ME2: variants seen among roughly 807,000 people sequenced by gnomAD.
ME2 encodes the protein malic enzyme 2.
ME2 carries 60 observed loss-of-function variants against 73.7 expected under a neutral mutation model. That is an observed-to-expected ratio of 0.81 (90% CI 0.66 to 1.01). The LOEUF is 1.01. ME2 is among the 50% of genes least tolerant of loss of function. The pLI is 0.00. For missense variants in ME2, 594 were observed against 705.5 expected (o/e 0.84, Z 1.79); for synonymous variants, 199 against 236.9 (o/e 0.84, Z 1.47).
chr18:50,924,033 G>A, intron 10 of ME2, 65 bp from the exon 11 acceptor site: 3 of 984,070 alleles, frequency 3.0e-6, no homozygotes, highest in Non-Finnish European at 4.7e-6. Context: ...TCATAATGAT[G>A]TCTTTTTATT....
chr18:50,947,241 G>A lies in ME2; in HGVS notation c.*57G>A. ...CCAGGGAACCCCTTTTTTCAGACAAGAAGAGATAATGTCTTCAGTTTTATG... is the reference window on the plus strand; with the variant it reads ...CCAGGGAACCCCTTTTTTCAGACAAAAAGAGATAATGTCTTCAGTTTTATG... On this transcript the variant is annotated 3_prime_UTR_variant, in exon 16 of 16. Coordinates refer to ENST00000321341, the MANE Select transcript of ME2 (RefSeq NM_002396.5). 1 of 1,525,228 alleles carries A rather than the reference G, an allele frequency of 6.6e-7. No individual in the cohort carries two copies. Among genetic ancestry groups the A allele is most frequent in the South Asian group, 1.2e-5 (1 of 85,462 alleles). The allele number at this position is 1,525,228 out of a possible 1,614,324, so 94.5% of individuals were successfully genotyped here. A position where few individuals can be genotyped will look rare whatever the true frequency, so the allele number is the denominator to read the frequency against.
intron 12 of ME2, among the ~76,000 whole-genome samples, chr18:50,927,661 C>T (rs540044271): frequency 1.4e-5 from 2 of 145,780 alleles, no homozygotes; most frequent in Non-Finnish European, 3.0e-5. Context: ...GAGATCGCAC[C>T]ACTGCACTCC....
At chr18:50,890,139 A>G (rs1916570315) in intron 1 of ME2, among the ~76,000 whole-genome samples, 1 of 152,202 alleles carries the variant, frequency 6.6e-6, no homozygotes, top group African/African-American at 2.4e-5. Flanking sequence ...CCTAATAAAG[A>G]CAGCATGATG....
rs1016005719 is a variant in ME2 at position 50,949,894 on chromosome 18, T to G, written c.*2710T>G. 2.0e-5 allele frequency: 3 copies of G among 152,174 alleles called. No homozygotes were observed. Among genetic ancestry groups the G allele is most frequent in the Admixed American group, 6.5e-5 (1 of 15,278 alleles). The allele number at this position is 152,174 out of a possible 1,614,324, so 9.4% of individuals were successfully genotyped here. A position where few individuals can be genotyped will look rare whatever the true frequency, so the allele number is the denominator to read the frequency against. The stretch of plus-strand genomic sequence containing the variant: ...AATTGCTTAATATTTAAGCTAAGAA[T>G]ACAGGAAGGACTATGAGCATTGAGG... On this transcript the variant is annotated 3_prime_UTR_variant, in exon 16 of 16. Transcript: ENST00000321341.
At position 50,920,437 on chromosome 18, in the gene ME2, TG is replaced by T; in HGVS notation, c.735-16del. The T allele has an allele frequency of 6.7e-7, 1 of 1,494,916 alleles. No individual in the cohort carries two copies. The highest frequency in any genetic ancestry group is 9.2e-7 in the Non-Finnish European group (1 of 1,087,766). The allele number at this position is 1,494,916 out of a possible 1,614,324, so 92.6% of individuals were successfully genotyped here. On this transcript the variant is annotated intron_variant, in intron 7 of 15. Coordinates refer to ENST00000321341, the MANE Select transcript of ME2 (RefSeq NM_002396.5). ...AGTGTTATTTTCAACACAACTATTG[TG>T]GGTTTTGCTGTTTTTAGATATGGCC...
chr18:50,930,709 A>G (rs116590230), intron 12 of ME2, among the ~76,000 whole-genome samples: 3,055 of 152,294 alleles, frequency 0.02, 49 homozygotes, highest in African/African-American at 0.04. Flanking sequence ...ATGATGTGCT[A>G]TATTGTATAA....
chr18:50,907,802 T>C (rs1357897388), intron 2 of ME2, among the ~76,000 whole-genome samples: 1 of 152,168 alleles, frequency 6.6e-6, no homozygotes, highest in Non-Finnish European at 1.5e-5. Flanking sequence ...ATGAATAATA[T>C]GTATATAAAA....
At chr18:50,930,667 A>G (rs1917670352) in intron 12 of ME2, among the ~76,000 whole-genome samples, 1 of 152,182 alleles carries the variant, frequency 6.6e-6, no homozygotes, top group East Asian at 1.9e-4. Context: ...CTAAATTTCC[A>G]AACTTACTGA....
At chr18:50,885,797 C>T (rs1420312724) in intron 1 of ME2, among the ~76,000 whole-genome samples, 1 of 152,060 alleles carries the variant, frequency 6.6e-6, no homozygotes, top group East Asian at 1.9e-4. Flanking sequence ...ACTGCTGGTA[C>T]TTTCTGCAGT....
Position 50,952,432 on chromosome 18 carries a change from A to G in ME2, c.*5248A>G, listed in dbSNP as rs776794008. Reference sequence around the variant, plus strand: ...CTTTCTTGAATAAGGAAAATTGTGCATCTCAAAGAGAAAAGTAAATATGGA... The same window carrying G: ...CTTTCTTGAATAAGGAAAATTGTGCGTCTCAAAGAGAAAAGTAAATATGGA... On this transcript the variant is annotated 3_prime_UTR_variant, in exon 16 of 16. Coordinates refer to ENST00000321341, the MANE Select transcript of ME2 (RefSeq NM_002396.5). 4.6e-5 allele frequency: 7 copies of G among 152,252 alleles called. No homozygotes were observed. The highest frequency in any genetic ancestry group is 8.8e-5 in the Non-Finnish European group (6 of 68,034). The allele number at this position is 152,252 out of a possible 1,614,324, so 9.4% of individuals were successfully genotyped here. A position where few individuals can be genotyped will look rare whatever the true frequency, so the allele number is the denominator to read the frequency against.
intron 13 of ME2, among the ~76,000 whole-genome samples, chr18:50,938,925 T>A (rs1239850513): frequency 6.6e-6 from 1 of 151,966 alleles, no homozygotes; most frequent in Admixed American, 6.6e-5. Context: ...ATTATTAACT[T>A]CAGGAAAGAC....
At chr18:50,893,148 A>AC (rs1447539162) in intron 1 of ME2, among the ~76,000 whole-genome samples, 13 of 127,426 alleles carry the variant, frequency 1.0e-4, no homozygotes, top group African/African-American at 3.0e-4. Flanking sequence ...AAAAAAAAAA[A>AC]AAAACACCTT....
At chr18:50,887,140 A>G (rs966789719) in intron 1 of ME2, among the ~76,000 whole-genome samples, 4 of 152,244 alleles carry the variant, frequency 2.6e-5, no homozygotes, top group African/African-American at 4.8e-5. Flanking sequence ...TGCTCAATAG[A>G]TGAGTAAATA....
intron 15 of ME2, among the ~76,000 whole-genome samples, 164 bp from the exon 16 acceptor site, chr18:50,946,853 A>ACT (rs1178856829): frequency 1.3e-5 from 2 of 152,198 alleles, no homozygotes; most frequent in African/African-American, 4.8e-5. Context: ...TAAACTTTCC[A>ACT]TAGTTTCCAA....
intron 12 of ME2, among the ~76,000 whole-genome samples, chr18:50,931,230 A>G (rs1322193201): frequency 3.9e-5 from 6 of 152,240 alleles, no homozygotes; most frequent in Admixed American, 2.0e-4. Flanking sequence ...TTGGAGAAGT[A>G]TTCTTCTTTA....
At chr18:50,915,972 C>T (rs1459075882) in intron 4 of ME2, 196 bp from the exon 5 acceptor site, 1 of 432,746 alleles carries the variant, frequency 2.3e-6, no homozygotes, top group Non-Finnish European at 4.1e-6. Flanking sequence ...ATCTTTGTTG[C>T]ATCTGCTATG....
intron 1 of ME2, among the ~76,000 whole-genome samples, chr18:50,885,830 T>A (rs1916448592): frequency 6.6e-6 from 1 of 152,110 alleles, no homozygotes; most frequent in African/African-American, 2.4e-5. Context: ...GGAAATAAAG[T>A]GACATGGAGC....
chr18:50,908,268 A>T (rs868360753), intron 3 of ME2, 72 bp downstream of exon 3: 1 of 1,090,814 alleles, frequency 9.2e-7, no homozygotes. Flanking sequence ...TATGGTTATT[A>T]TGGCATGAGA....
At chr18:50,897,799 C>T (rs1365706755) in intron 2 of ME2, among the ~76,000 whole-genome samples, 2 of 151,288 alleles carry the variant, frequency 1.3e-5, no homozygotes, top group Non-Finnish European at 2.9e-5. Context: ...GTGGAGAGTG[C>T]GGTGAGCCGA....
Sources: gnomAD v4.1 joint callset for allele counts (sites outside exome capture counted in the v4.1 genomes callset) on GRCh38, gnomAD v4.1.1 for gene constraint, MANE v1.5 for transcripts, NCBI Gene and HGNC (gene_info 2026-07-23, HGNC 2026-07-21) for gene names.